RPS6KC1: variants seen among roughly 807,000 people sequenced by gnomAD.
RPS6KC1 encodes the protein ribosomal protein S6 kinase C1.
In RPS6KC1, 54 loss-of-function variants were observed where a neutral mutation model predicts 103.8. That is an observed-to-expected ratio of 0.52 (90% confidence interval 0.42 to 0.65). The LOEUF is 0.65. Ranked by LOEUF, RPS6KC1 falls within the 30% of genes least tolerant of loss-of-function variation. The pLI, the probability that RPS6KC1 is intolerant of heterozygous loss-of-function variation, is 0.00. For synonymous variants in RPS6KC1, 439 were observed against 438.7 expected (o/e 1.00, Z -0.01); for missense variants, 1,151 against 1,253.8 (o/e 0.92, Z 1.24).
At chr1:213,294,053 C>T in the RPS6KC1 span, among the ~76,000 whole-genome samples, 1 of 152,118 alleles carries the variant, frequency 6.6e-6, no homozygotes, top group Non-Finnish European at 1.5e-5. Flanking sequence ...GGAAAGCAAC[C>T]CGAGCACCAT....
At chr1:213,174,479 C>T (rs2148271010) in intron 7 of RPS6KC1, among the ~76,000 whole-genome samples, 1 of 152,006 alleles carries the variant, frequency 6.6e-6, no homozygotes, top group South Asian at 2.1e-4. Flanking sequence ...AAACCAGCCT[C>T]GCCAACATGA....
chr1:213,837,857 C>A, the RPS6KC1 span, among the ~76,000 whole-genome samples: 1 of 151,300 alleles, frequency 6.6e-6, no homozygotes, highest in Non-Finnish European at 1.5e-5. Flanking sequence ...TGAGACAAAC[C>A]TTTTTTTTTA....
At chr1:213,059,520 A>G (rs2077632472) in intron 1 of RPS6KC1, among the ~76,000 whole-genome samples, 1 of 151,930 alleles carries the variant, frequency 6.6e-6, no homozygotes, top group African/African-American at 2.4e-5. Context: ...ATTTATTTAT[A>G]TATATATATT....
intron 3 of RPS6KC1, among the ~76,000 whole-genome samples, chr1:213,080,109 A>T (rs1299652927): frequency 6.6e-6 from 1 of 151,250 alleles, no homozygotes; most frequent in Non-Finnish European, 1.5e-5. Flanking sequence ...GTAGAGACAG[A>T]GTTTCGCCAT....
the RPS6KC1 span, among the ~76,000 whole-genome samples, chr1:213,603,378 A>G: frequency 6.6e-6 from 1 of 152,184 alleles, no homozygotes; most frequent in African/African-American, 2.4e-5. Context: ...TCCTGGGGAG[A>G]GGGTAAACAC....
chr1:213,338,022 G>A, the RPS6KC1 span, among the ~76,000 whole-genome samples: 1 of 152,318 alleles, frequency 6.6e-6, no homozygotes, highest in African/African-American at 2.4e-5. Flanking sequence ...GGTTGAGAGT[G>A]TATGTGGGAC....
intron 8 of RPS6KC1, among the ~76,000 whole-genome samples, chr1:213,223,189 GTGTT>G (rs2093876597): frequency 6.6e-6 from 1 of 152,146 alleles, no homozygotes; most frequent in Non-Finnish European, 1.5e-5. Flanking sequence ...GGGATGCTCT[GTGTT>G]TGTCCTGTAG....
the RPS6KC1 span, among the ~76,000 whole-genome samples, chr1:213,416,829 C>T: frequency 6.6e-6 from 1 of 152,282 alleles, no homozygotes; most frequent in South Asian, 2.1e-4. Context: ...TGAAGAGGGA[C>T]TGGGGTCTGC....
chr1:213,162,544 C>A (rs549457738), intron 6 of RPS6KC1, among the ~76,000 whole-genome samples: 88 of 152,220 alleles, frequency 5.8e-4, no homozygotes, highest in African/African-American at 2.1e-3. Flanking sequence ...CAGCCTCTCA[C>A]AGTGCTGAGA....
chr1:213,674,982 G>A, the RPS6KC1 span, among the ~76,000 whole-genome samples: 2 of 152,040 alleles, frequency 1.3e-5, no homozygotes, highest in South Asian at 2.1e-4. Flanking sequence ...TTTTAATGGG[G>A]TTTCCTGTTT....
downstream of RPS6KC1, among the ~76,000 whole-genome samples, chr1:213,279,477 GAT>G (rs1325337345): frequency 6.6e-6 from 1 of 152,170 alleles, no homozygotes; most frequent in Non-Finnish European, 1.5e-5. Flanking sequence ...CCCATTGGTT[GAT>G]AATGATATTC....
chr1:213,609,548 A>G, the RPS6KC1 span, among the ~76,000 whole-genome samples: 1 of 152,104 alleles, frequency 6.6e-6, no homozygotes, highest in Non-Finnish European at 1.5e-5. Flanking sequence ...GGCTGGAAAG[A>G]GGCTTGTGCA....
chr1:213,181,678 CACA>C (rs1438835269), intron 8 of RPS6KC1, among the ~76,000 whole-genome samples: 1 of 152,102 alleles, frequency 6.6e-6, no homozygotes, highest in Non-Finnish European at 1.5e-5. Context: ...AAGGACATAG[CACA>C]ACATTTTTTA....
chr1:213,144,339 A>G (rs1327035614), intron 6 of RPS6KC1, among the ~76,000 whole-genome samples: 1 of 152,010 alleles, frequency 6.6e-6, no homozygotes, highest in Non-Finnish European at 1.5e-5. Context: ...ACAGTGGCAC[A>G]ATCATAGCTC....
the RPS6KC1 span, among the ~76,000 whole-genome samples, chr1:213,669,842 C>T: frequency 6.6e-6 from 1 of 152,112 alleles, no homozygotes; most frequent in East Asian, 1.9e-4. Flanking sequence ...CTTCTAACTC[C>T]CAAGTGCAGT....
At chr1:213,468,817 C>T in the RPS6KC1 span, among the ~76,000 whole-genome samples, 29 of 152,258 alleles carry the variant, frequency 1.9e-4, no homozygotes, top group African/African-American at 5.3e-4. Context: ...CATCTGCTCC[C>T]GAGTGCCCTT....
chr1:213,791,480 A>T, the RPS6KC1 span, among the ~76,000 whole-genome samples: 1 of 152,168 alleles, frequency 6.6e-6, no homozygotes, highest in Non-Finnish European at 1.5e-5. Context: ...ATTTCTAAAC[A>T]GCCATTAGTC....
At chr1:213,788,553 C>T in the RPS6KC1 span, among the ~76,000 whole-genome samples, 2 of 152,062 alleles carry the variant, frequency 1.3e-5, no homozygotes, top group Non-Finnish European at 2.9e-5. Flanking sequence ...TCCCCATACC[C>T]TGGGCACACA....
At chr1:213,795,411 C>A in the RPS6KC1 span, among the ~76,000 whole-genome samples, 1 of 152,172 alleles carries the variant, frequency 6.6e-6, no homozygotes, top group East Asian at 1.9e-4. Context: ...AGCCCATAGC[C>A]TTCATAGCAT....
Sources: gnomAD v4.1 joint callset for allele counts (sites outside exome capture counted in the v4.1 genomes callset) on GRCh38, gnomAD v4.1.1 for gene constraint, MANE v1.5 for transcripts, NCBI Gene and HGNC (gene_info 2026-07-23, HGNC 2026-07-21) for gene names.